The following LAMC1 variants were observed in gnomAD, a reference collection of about 807,000 sequenced individuals.
LAMC1 encodes the protein laminin subunit gamma-1.
Under a neutral mutation model 173.6 loss-of-function variants are expected in LAMC1, and 38 were observed. That is an observed-to-expected ratio of 0.22 (90% CI 0.17 to 0.29). The LOEUF is 0.29. LAMC1 is among the 10% of genes least tolerant of loss of function. LAMC1 has a pLI of 1.00. For synonymous variants in LAMC1, 746 were observed against 749.1 expected, an observed-to-expected ratio of 1.00 and a Z score of 0.07; for missense variants, 1,824 against 2,051.8, an observed-to-expected ratio of 0.89 and a Z score of 2.14.
chr1:183,050,891 CAAAAAAAAA>C (rs779377179), intron 1 of LAMC1, among the ~76,000 whole-genome samples: 2 of 54,732 alleles, frequency 3.7e-5, no homozygotes, highest in Admixed American at 1.8e-4. Flanking sequence ...AACTCCATCT[CAAAAAAAAA>C]AAAAAAAAAA....
chr1:183,115,666 G>A, intron 6 of LAMC1, 29 bp downstream of exon 6: 1 of 1,405,688 alleles, frequency 7.1e-7, no homozygotes, highest in East Asian at 2.3e-5. Context: ...CAGAAGAAGG[G>A]GGCAGAATCT....
intron 17 of LAMC1, 68 bp downstream of exon 17, chr1:183,127,472 A>C (rs1039266902): frequency 4.2e-6 from 6 of 1,419,706 alleles, no homozygotes; most frequent in African/African-American, 1.4e-5. Flanking sequence ...CTGTGCACTA[A>C]TCTCTATAGA....
chr1:183,080,244 GA>G (rs76828807), intron 1 of LAMC1, among the ~76,000 whole-genome samples: 1 of 151,950 alleles, frequency 6.6e-6, no homozygotes, highest in Non-Finnish European at 1.5e-5. Flanking sequence ...TGTCTTAAAA[GA>G]AAAAAAAATT....
At chr1:183,116,499 A>G (rs566670625) in intron 6 of LAMC1, 78 bp from the exon 7 acceptor site, 47 of 1,003,776 alleles carry the variant, frequency 4.7e-5, no homozygotes, top group Non-Finnish European at 6.3e-5. Flanking sequence ...ATCTGTTAAC[A>G]TGTAAAACAA....
chr1:183,101,798 G>A (rs1655840951), intron 1 of LAMC1, among the ~76,000 whole-genome samples: 1 of 152,198 alleles, frequency 6.6e-6, no homozygotes, highest in African/African-American at 2.4e-5. Context: ...ATGGCTTTAT[G>A]TTGAAGCTAA....
At chr1:183,115,476 A>G (rs1268649620) in intron 5 of LAMC1, 44 bp from the exon 6 acceptor site, 6 of 1,301,686 alleles carry the variant, frequency 4.6e-6, no homozygotes, top group Admixed American at 1.7e-5. Context: ...TTACTTACGT[A>G]TCTGGCCGAA....
intron 1 of LAMC1, among the ~76,000 whole-genome samples, chr1:183,030,077 A>G (rs979504267): frequency 1.1e-4 from 16 of 152,202 alleles, no homozygotes; most frequent in African/African-American, 3.9e-4. Flanking sequence ...GAAGAATAAT[A>G]TTTTGTGACA....
At chr1:183,108,240 C>G in intron 2 of LAMC1, 36 bp from the exon 3 acceptor site, 1 of 1,600,894 alleles carries the variant, frequency 6.2e-7, no homozygotes, top group East Asian at 2.2e-5. Context: ...AGTCCCTCCA[C>G]TTCTCTTTTA....
At position 183,053,016 on chromosome 1, in the gene LAMC1, CTG is replaced by C. The variant is rs574182998; in HGVS notation, c.418+28884_418+28885del. On this transcript the variant is annotated intron_variant, in intron 1 of 27. Coordinates refer to ENST00000258341, the MANE Select transcript of LAMC1 (RefSeq NM_002293.4). ...GGAAGAGATGTAAACAACGATTACT[CTG>C]TTCTTCCTAGTGTTGGTTGGAGTTC... is the stretch of plus-strand genomic sequence containing the variant. Among the ~76,000 whole-genome samples the C allele has an allele frequency of 1.2e-3, 179 of 152,296 alleles. 1 individual carries two copies. Among genetic ancestry groups the C allele is most frequent in the African/African-American group, 3.3e-3 (138 of 41,568 alleles).
chr1:183,024,414 T>C (rs1460651197), intron 1 of LAMC1, among the ~76,000 whole-genome samples: 1 of 152,248 alleles, frequency 6.6e-6, no homozygotes, highest in Non-Finnish European at 1.5e-5. Flanking sequence ...TTTCGGCTGT[T>C]AGGATTGTGA....
At chr1:183,096,834 A>T (rs566199998) in intron 1 of LAMC1, among the ~76,000 whole-genome samples, 8 of 152,208 alleles carry the variant, frequency 5.3e-5, no homozygotes, top group Non-Finnish European at 2.9e-5. Flanking sequence ...CAGGATAATA[A>T]GTTTTTAAAA....
chr1:183,059,108 C>T (rs1654677599), intron 1 of LAMC1, among the ~76,000 whole-genome samples: 1 of 152,208 alleles, frequency 6.6e-6, no homozygotes, highest in African/African-American at 2.4e-5. Context: ...TTTTCTTAGA[C>T]TCATCTGGTA....
intron 1 of LAMC1, among the ~76,000 whole-genome samples, chr1:183,077,911 T>A (rs1378944604): frequency 6.6e-6 from 1 of 151,722 alleles, no homozygotes; most frequent in Non-Finnish European, 1.5e-5. Flanking sequence ...TTACCAGTTT[T>A]CTCTCTCATG....
chr1:183,144,444 A>G lies in LAMC1; in HGVS notation c.*1654A>G, dbSNP rs17477864. The G allele has an allele frequency of 0.047, 7,176 of 152,538 alleles. 265 individuals are homozygous for G. The highest frequency in any genetic ancestry group is 0.13 in the South Asian group (615 of 4,808). The allele number at this position is 152,538 out of a possible 1,614,324, so 9.4% of individuals were successfully genotyped here. A position where few individuals can be genotyped will look rare whatever the true frequency, so the allele number is the denominator to read the frequency against. On this transcript the variant is annotated 3_prime_UTR_variant, in exon 28 of 28. Coordinates refer to ENST00000258341, the MANE Select transcript of LAMC1 (RefSeq NM_002293.4). ...AATACCTCCTTCCCTCCCTTCTAGA[A>G]TTCTTTGGATTGTACTCCAAAGAAT...
chr1:183,039,104 G>A (rs1654059043), intron 1 of LAMC1, among the ~76,000 whole-genome samples: 1 of 152,002 alleles, frequency 6.6e-6, no homozygotes, highest in Non-Finnish European at 1.5e-5. Flanking sequence ...TATTATGATG[G>A]TGCTGGTGAC....
intron 1 of LAMC1, among the ~76,000 whole-genome samples, chr1:183,089,799 A>G (rs532563907): frequency 6.6e-6 from 1 of 152,346 alleles, no homozygotes; most frequent in South Asian, 2.1e-4. Context: ...GTCATATTAA[A>G]TAAAGTTTAT....
chr1:183,084,183 A>G (rs894506693), intron 1 of LAMC1, among the ~76,000 whole-genome samples: 16 of 152,316 alleles, frequency 1.1e-4, no homozygotes, highest in East Asian at 3.9e-4. Context: ...CTAGTAAAAA[A>G]TACAAAAAAT....
chr1:183,114,391 C>A, intron 4 of LAMC1, 140 bp from the exon 5 acceptor site: 2 of 852,668 alleles, frequency 2.3e-6, no homozygotes, highest in Non-Finnish European at 3.9e-6. Context: ...TGTTAATGAA[C>A]AGTGCATCTG....
intron 21 of LAMC1, 47 bp from the exon 22 acceptor site, chr1:183,133,359 C>A: frequency 6.5e-7 from 1 of 1,546,642 alleles, no homozygotes; most frequent in Non-Finnish European, 8.8e-7. Flanking sequence ...CATTAAGATG[C>A]TAAAAGCAGC....
Sources: allele counts gnomAD v4.1 joint callset (sites outside exome capture counted in the v4.1 genomes callset), GRCh38; gene constraint gnomAD v4.1.1; transcripts MANE v1.5; gene names NCBI Gene and HGNC (gene_info 2026-07-23, HGNC 2026-07-21).